DLG2: variants seen among roughly 807,000 people sequenced by gnomAD.
DLG2 encodes the protein disks large homolog 2.
A neutral mutation model predicts 132.5 loss-of-function variants in DLG2; 45 were observed. That is an observed-to-expected ratio of 0.34 (90% CI 0.27 to 0.44). DLG2 has a LOEUF of 0.44. Among genes scored for constraint, DLG2 ranks in the 20% least tolerant of loss-of-function variants. The pLI is 1.00. For missense variants in DLG2, 1,045 were observed against 1,196.9 expected, an observed-to-expected ratio of 0.87 and a Z score of 1.87; for synonymous variants, 424 against 419.6, an observed-to-expected ratio of 1.01 and a Z score of -0.13.
intron 18 of DLG2, among the ~76,000 whole-genome samples, chr11:83,731,298 C>T (rs911305848): frequency 6.6e-6 from 1 of 152,150 alleles, no homozygotes; most frequent in Non-Finnish European, 1.5e-5. Context: ...TCCCCCCAGC[C>T]CCTGACTGGC....
chr11:84,236,153 C>G (rs1391724305), intron 8 of DLG2, among the ~76,000 whole-genome samples: 5 of 151,932 alleles, frequency 3.3e-5, no homozygotes, highest in African/African-American at 1.2e-4. Flanking sequence ...TGCCCTTGGC[C>G]ATACCAAAAT....
intron 3 of DLG2, among the ~76,000 whole-genome samples, chr11:85,463,515 G>C (rs943967487): frequency 6.6e-6 from 1 of 152,206 alleles, no homozygotes; most frequent in African/African-American, 2.4e-5. Context: ...GCAGTGGCTT[G>C]TGCCAGTAAT....
At chr11:84,092,618 G>A (rs2097108797) in intron 10 of DLG2, among the ~76,000 whole-genome samples, 1 of 152,164 alleles carries the variant, frequency 6.6e-6, no homozygotes, top group Non-Finnish European at 1.5e-5. Context: ...TACTTAGGGA[G>A]GAAGTCACTT....
At chr11:85,409,763 T>C (rs1377751760) in intron 3 of DLG2, among the ~76,000 whole-genome samples, 1 of 151,872 alleles carries the variant, frequency 6.6e-6, no homozygotes, top group Non-Finnish European at 1.5e-5. Context: ...AGCAAATTAT[T>C]TAAACTCTCT....
chr11:85,194,000 T>G (rs1385157021), intron 4 of DLG2, among the ~76,000 whole-genome samples: 2 of 152,178 alleles, frequency 1.3e-5, no homozygotes, highest in Admixed American at 6.5e-5. Context: ...ATGGAAAAAA[T>G]TAGTGACTAC....
intron 17 of DLG2, among the ~76,000 whole-genome samples, chr11:83,821,894 C>T (rs1048559238): frequency 2.0e-5 from 3 of 152,114 alleles, no homozygotes; most frequent in African/African-American, 7.2e-5. Context: ...CCTCAAGTTC[C>T]CATTCTATTG....
At position 84,913,640 on chromosome 11, in the gene DLG2, G is replaced by C. The variant is rs528024057; in HGVS notation, c.357+198021C>G. Among the ~76,000 whole-genome samples, 17 of 152,096 alleles carry C rather than the reference G, an allele frequency of 1.1e-4. 1 individual carries two copies. The South Asian group carries it at 3.1e-3, about 28-fold the overall frequency. On this transcript the variant is annotated intron_variant, in intron 6 of 27. Coordinates refer to ENST00000376104, the MANE Select transcript of DLG2 (RefSeq NM_001142699.3). ...ACAAATAATACATCTTAATCCAATA[G>C]ACATGCATTCATATACATATATATA... is the stretch of plus-strand genomic sequence containing the variant.
chr11:84,733,017 C>T (rs1024261733), intron 6 of DLG2, among the ~76,000 whole-genome samples: 7 of 152,122 alleles, frequency 4.6e-5, no homozygotes, highest in Admixed American at 3.3e-4. Flanking sequence ...ATATGTGCCA[C>T]ATTTTCTTAA....
intron 22 of DLG2, chr11:83,483,292 G>C: frequency 6.2e-7 from 1 of 1,612,766 alleles, no homozygotes; most frequent in Non-Finnish European, 8.5e-7. Flanking sequence ...CCTAATCCGG[G>C]GATGTCCTGC....
chr11:85,229,477 A>C (rs1406471666), intron 4 of DLG2, among the ~76,000 whole-genome samples: 1 of 152,174 alleles, frequency 6.6e-6, no homozygotes, highest in African/African-American at 2.4e-5. Flanking sequence ...GATCATTAAA[A>C]AGTCAGGAAA....
chr11:84,730,419 TATTC>T (rs1483386222), intron 6 of DLG2, among the ~76,000 whole-genome samples: 1 of 152,072 alleles, frequency 6.6e-6, no homozygotes, highest in Non-Finnish European at 1.5e-5. Context: ...CTGATTCTTT[TATTC>T]ATTCATTCAT....
intron 6 of DLG2, among the ~76,000 whole-genome samples, chr11:85,073,859 A>G (rs926637692): frequency 6.6e-6 from 1 of 151,836 alleles, no homozygotes; most frequent in Non-Finnish European, 1.5e-5. Flanking sequence ...ATACCCATCA[A>G]TGGTAGACTG....
chr11:83,709,877 C>T (rs2084980661), intron 18 of DLG2, among the ~76,000 whole-genome samples: 1 of 152,164 alleles, frequency 6.6e-6, no homozygotes, highest in Non-Finnish European at 1.5e-5. Context: ...ATTGAAAGGG[C>T]AGATACAGCC....
intron 17 of DLG2, chr11:83,789,837 C>T: frequency 2.8e-6 from 1 of 357,512 alleles, no homozygotes; most frequent in East Asian, 5.0e-5. Context: ...TGAGCCACCA[C>T]TGATGACTCT....
intron 3 of DLG2, among the ~76,000 whole-genome samples, chr11:85,498,681 T>C (rs768258820): frequency 6.6e-6 from 1 of 151,542 alleles, no homozygotes; most frequent in Non-Finnish European, 1.5e-5. Context: ...TAATTGGAAG[T>C]AAAAACACTC....
chr11:84,991,015 C>G lies in DLG2; in HGVS notation c.357+120646G>C, dbSNP rs182264654. Among the ~76,000 whole-genome samples, 432 of 152,162 alleles carry G rather than the reference C, an allele frequency of 2.8e-3. 1 individual carries two copies. Among genetic ancestry groups the G allele is most frequent in the Admixed American group, 4.6e-3 (70 of 15,296 alleles). On this transcript the variant is annotated intron_variant, in intron 6 of 27. Transcript: ENST00000376104. ...ATGTTAAACTACAGTATATCCACAC[C>G]ATGGGATGCTACTCAGCAATAAAAA... is the stretch of plus-strand genomic sequence containing the variant.
At chr11:84,796,667 C>G (rs2074654402) in intron 6 of DLG2, among the ~76,000 whole-genome samples, 1 of 151,928 alleles carries the variant, frequency 6.6e-6, no homozygotes, top group Admixed American at 6.6e-5. Flanking sequence ...TGCGGATAAA[C>G]TATTCTAGGG....
chr11:85,411,674 A>C (rs924773112), intron 3 of DLG2, among the ~76,000 whole-genome samples: 2 of 151,870 alleles, frequency 1.3e-5, no homozygotes, highest in Non-Finnish European at 2.9e-5. Context: ...CAACAGATAG[A>C]TCTGTAAAAT....
chr11:85,537,699 C>T (rs932601392), intron 3 of DLG2, among the ~76,000 whole-genome samples: 3 of 151,996 alleles, frequency 2.0e-5, no homozygotes, highest in Non-Finnish European at 2.9e-5. Context: ...AGCTGTAACA[C>T]TCACTGTGAA....
Sources: gnomAD v4.1 joint callset for allele counts (sites outside exome capture counted in the v4.1 genomes callset) on GRCh38, gnomAD v4.1.1 for gene constraint, MANE v1.5 for transcripts, NCBI Gene and HGNC (gene_info 2026-07-23, HGNC 2026-07-21) for gene names.